Variants in PAPPA2 observed in about 807,000 individuals in gnomAD.
PAPPA2 encodes the protein pappalysin-2.
Under a neutral mutation model 176.4 loss-of-function variants are expected in PAPPA2, and 86 were observed. That is an observed-to-expected ratio of 0.49 (90% CI 0.41 to 0.58). The LOEUF (loss-of-function observed/expected upper bound fraction) is 0.58. Among genes scored for constraint, PAPPA2 ranks in the 20% least tolerant of loss-of-function variants. The pLI, the probability that PAPPA2 is intolerant of heterozygous loss-of-function variation, is 0.00. For missense variants in PAPPA2, 2,073 were observed against 2,256.9 expected (o/e 0.92, Z 1.65); for synonymous variants, 809 against 852.2 (o/e 0.95, Z 0.88).
intron 1 of PAPPA2, among the ~76,000 whole-genome samples, chr1:176,552,007 T>A (rs1477217075): frequency 6.6e-6 from 1 of 152,112 alleles, no homozygotes; most frequent in Non-Finnish European, 1.5e-5. Context: ...GTAAAACGTG[T>A]CCAGTCACTA....
chr1:176,711,083 T>C (rs1030100492), intron 11 of PAPPA2, among the ~76,000 whole-genome samples: 3 of 152,166 alleles, frequency 2.0e-5, no homozygotes, highest in Non-Finnish European at 2.9e-5. Context: ...CACCCGCCTC[T>C]TACTGGTCAG....
rs1373861629 is a variant in PAPPA2 at position 176,791,388 on chromosome 1, G to GT, written c.4929dup (p.Lys1644Ter). On this transcript the variant is annotated frameshift_variant, in exon 19 of 23. Coordinates refer to ENST00000367662, the MANE Select transcript of PAPPA2 (RefSeq NM_020318.3). LOFTEE classifies it high-confidence loss of function. ...CTAAAGAGGGCCTGTGGACCCAGGA[G>GT]TTTAAGTTGTGTGAGAATCTGCAAG... is the stretch of plus-strand genomic sequence containing the variant. 6.2e-7 allele frequency: 1 copy of GT among 1,612,082 alleles called. No individual in the cohort carries two copies. The highest frequency in any genetic ancestry group is 8.5e-7 in the Non-Finnish European group (1 of 1,178,340).
intron 12 of PAPPA2, among the ~76,000 whole-genome samples, chr1:176,736,297 A>G (rs115970820): frequency 5.9e-5 from 9 of 151,954 alleles, no homozygotes; most frequent in African/African-American, 1.4e-4. Context: ...GAATAAATTC[A>G]TTATTTATCT....
chr1:176,602,928 C>T (rs1654409189), intron 3 of PAPPA2, among the ~76,000 whole-genome samples: 1 of 152,218 alleles, frequency 6.6e-6, no homozygotes, highest in South Asian at 2.1e-4. Flanking sequence ...TTCCAATAGG[C>T]ACCGTATTAT....
chr1:176,701,037 TACACAC>T (rs1470721715), intron 8 of PAPPA2, among the ~76,000 whole-genome samples: 2 of 131,000 alleles, frequency 1.5e-5, no homozygotes, highest in Non-Finnish European at 3.2e-5. Flanking sequence ...TCTAATTTGC[TACACAC>T]ACACACATAC....
At chr1:176,653,245 C>T (rs763897118) in intron 3 of PAPPA2, among the ~76,000 whole-genome samples, 2 of 151,744 alleles carry the variant, frequency 1.3e-5, no homozygotes, top group African/African-American at 2.4e-5. Flanking sequence ...TACTCATCAT[C>T]TCATTCAGCA....
chr1:176,513,882 C>T lies in PAPPA2; in HGVS notation c.-916-41525C>T, dbSNP rs1207474178. Among the ~76,000 whole-genome samples, 4 of 152,092 alleles carry T rather than the reference C, an allele frequency of 2.6e-5. No individual in the cohort carries two copies. The South Asian group carries it at 6.2e-4, about 24-fold the overall frequency. On this transcript the variant is annotated intron_variant, in intron 1 of 22. Coordinates refer to ENST00000367662, the MANE Select transcript of PAPPA2 (RefSeq NM_020318.3). ...CTCAGTTAAAGGCAGACAGCTGAAG[C>T]GAGCATGCTGTCCGAGGAGTCATGA...
intron 21 of PAPPA2, among the ~76,000 whole-genome samples, chr1:176,828,111 G>A (rs989089729): frequency 6.6e-6 from 1 of 152,018 alleles, no homozygotes; most frequent in African/African-American, 2.4e-5. Context: ...GGATGGTCAG[G>A]GCACAGGCCT....
At chr1:176,771,808 G>T (rs1356718134) in intron 17 of PAPPA2, among the ~76,000 whole-genome samples, 1 of 152,020 alleles carries the variant, frequency 6.6e-6, no homozygotes, top group Middle Eastern at 3.2e-3. Flanking sequence ...ATGTCGTGGG[G>T]GATCCGAAAG....
At chr1:176,488,818 C>T (rs540377165) in intron 1 of PAPPA2, among the ~76,000 whole-genome samples, 1 of 152,284 alleles carries the variant, frequency 6.6e-6, no homozygotes, top group South Asian at 2.1e-4. Flanking sequence ...TCTGCCATCA[C>T]CTGCCCTCTC....
At chr1:176,566,182 C>T (rs1437626617) in intron 2 of PAPPA2, among the ~76,000 whole-genome samples, 1 of 152,150 alleles carries the variant, frequency 6.6e-6, no homozygotes, top group Non-Finnish European at 1.5e-5. Context: ...CTGGCCCCAG[C>T]TGGGTTCTTT....
chr1:176,560,133 C>T (rs1191603175), intron 2 of PAPPA2, among the ~76,000 whole-genome samples: 1 of 152,082 alleles, frequency 6.6e-6, no homozygotes, highest in East Asian at 1.9e-4. Context: ...GAATGTTGTT[C>T]GTTGGCATCC....
intron 21 of PAPPA2, among the ~76,000 whole-genome samples, chr1:176,801,869 A>G (rs1665697182): frequency 6.6e-6 from 1 of 152,100 alleles, no homozygotes; most frequent in African/African-American, 2.4e-5. Flanking sequence ...GCACCCCAGC[A>G]CATCAGCGGG....
chr1:176,591,326 T>G (rs900514204), intron 2 of PAPPA2, among the ~76,000 whole-genome samples: 1 of 152,164 alleles, frequency 6.6e-6, no homozygotes, highest in Non-Finnish European at 1.5e-5. Context: ...AGCCCTAATC[T>G]CATGGGCAGA....
intron 1 of PAPPA2, among the ~76,000 whole-genome samples, chr1:176,553,099 T>A (rs893826879): frequency 2.0e-5 from 3 of 152,002 alleles, no homozygotes; most frequent in African/African-American, 7.3e-5. Context: ...CGGGGGTGTG[T>A]ATGTGTGATG....
intron 2 of PAPPA2, among the ~76,000 whole-genome samples, chr1:176,584,214 T>C (rs1653151777): frequency 6.6e-6 from 1 of 152,194 alleles, no homozygotes; most frequent in African/African-American, 2.4e-5. Context: ...ATGGGCTTTT[T>C]AGTTGATATT....
chr1:176,748,579 A>G (rs192295966), intron 14 of PAPPA2, among the ~76,000 whole-genome samples: 2 of 152,338 alleles, frequency 1.3e-5, no homozygotes, highest in African/African-American at 4.8e-5. Context: ...ATGAAATTTA[A>G]TCAGTAATAT....
intron 19 of PAPPA2, among the ~76,000 whole-genome samples, chr1:176,793,037 G>T (rs1347400309): frequency 6.6e-6 from 1 of 152,134 alleles, no homozygotes; most frequent in Admixed American, 6.6e-5. Flanking sequence ...AATAGTCTCT[G>T]GAGTAATTTT....
intron 1 of PAPPA2, among the ~76,000 whole-genome samples, chr1:176,531,489 G>T (rs1649804984): frequency 6.6e-6 from 1 of 152,186 alleles, no homozygotes; most frequent in Non-Finnish European, 1.5e-5. Context: ...TAGGTGCTGG[G>T]ATAGCACTGA....
Sources: allele counts gnomAD v4.1 joint callset (sites outside exome capture counted in the v4.1 genomes callset), GRCh38; gene constraint gnomAD v4.1.1; transcripts MANE v1.5; gene names NCBI Gene and HGNC (gene_info 2026-07-23, HGNC 2026-07-21).